The following SLC24A3 variants were observed in gnomAD, a reference collection of about 807,000 sequenced individuals.
SLC24A3 encodes sodium/potassium/calcium exchanger 3.
A neutral mutation model predicts 75.8 loss-of-function variants in SLC24A3; 28 were observed. The observed-to-expected ratio is 0.37, with a 90% confidence interval of 0.27 to 0.51. The LOEUF is 0.51. Ranked by LOEUF, SLC24A3 falls within the 20% of genes least tolerant of loss-of-function variation. The pLI, the probability that SLC24A3 is intolerant of heterozygous loss-of-function variation, is 0.94. For synonymous variants in SLC24A3, 372 were observed against 334.1 expected, an observed-to-expected ratio of 1.11 and a Z score of -1.24; for missense variants, 663 against 847.8, an observed-to-expected ratio of 0.78 and a Z score of 2.71.
At chr20:19,408,344 A>C (rs1419850775) in intron 2 of SLC24A3, among the ~76,000 whole-genome samples, 4 of 151,410 alleles carry the variant, frequency 2.6e-5, no homozygotes, top group Admixed American at 2.6e-4. Flanking sequence ...CCGTATAATA[A>C]TTTTCCCCTT....
intron 2 of SLC24A3, among the ~76,000 whole-genome samples, chr20:19,285,307 A>G (rs6045950): frequency 0.41 from 62,345 of 151,458 alleles, 13,563 homozygotes; most frequent in African/African-American, 0.55. Context: ...GTGAAACCCC[A>G]TCTCTATAAA....
At chr20:19,634,832 G>A (rs908495179) in intron 6 of SLC24A3, among the ~76,000 whole-genome samples, 5 of 152,064 alleles carry the variant, frequency 3.3e-5, no homozygotes, top group Non-Finnish European at 7.4e-5. Flanking sequence ...GGTTGCAGGG[G>A]TATACAACAT....
chr20:19,688,164 G>A (rs1600341266), intron 12 of SLC24A3, among the ~76,000 whole-genome samples: 1 of 152,300 alleles, frequency 6.6e-6, no homozygotes, highest in Non-Finnish European at 1.5e-5. Flanking sequence ...TGCACGTTCT[G>A]ATTCAGGAGG....
intron 1 of SLC24A3, among the ~76,000 whole-genome samples, chr20:19,270,642 G>A (rs1203223618): frequency 6.6e-6 from 1 of 152,136 alleles, no homozygotes; most frequent in Admixed American, 6.5e-5. Context: ...ATGTATTCTG[G>A]TCTTATTACC....
chr20:19,560,871 A>G (rs1301842435), intron 3 of SLC24A3, among the ~76,000 whole-genome samples: 2 of 152,154 alleles, frequency 1.3e-5, no homozygotes, highest in African/African-American at 4.8e-5. Context: ...CTTAAAATAT[A>G]TGTAAGTATA....
chr20:19,214,997 T>C (rs544907202), intron 1 of SLC24A3, among the ~76,000 whole-genome samples: 13 of 152,176 alleles, frequency 8.5e-5, no homozygotes, highest in Non-Finnish European at 1.2e-4. Context: ...TGCCCCCGAA[T>C]GACATATGAG....
chr20:19,417,511 A>G (rs1175520013), intron 2 of SLC24A3, among the ~76,000 whole-genome samples: 2 of 152,190 alleles, frequency 1.3e-5, no homozygotes, highest in Non-Finnish European at 2.9e-5. Flanking sequence ...CTTCTGCAGG[A>G]TGGGAAAGAT....
At chr20:19,256,256 A>G in intron 1 of SLC24A3, among the ~76,000 whole-genome samples, 1 of 152,198 alleles carries the variant, frequency 6.6e-6, no homozygotes, top group East Asian at 1.9e-4. Flanking sequence ...GTACAATTCC[A>G]TTCATATGAT....
At chr20:19,264,323 C>T (rs1454805277) in intron 1 of SLC24A3, among the ~76,000 whole-genome samples, 1 of 152,168 alleles carries the variant, frequency 6.6e-6, no homozygotes. Context: ...TGGTGCCAGC[C>T]TCAGGTGCCA....
intron 2 of SLC24A3, among the ~76,000 whole-genome samples, chr20:19,378,947 C>T (rs1436013694): frequency 1.3e-5 from 2 of 151,332 alleles, no homozygotes; most frequent in African/African-American, 2.4e-5. Flanking sequence ...AATTATAGAC[C>T]CCAAGAGTCC....
chr20:19,455,530 G>A (rs1987563222), intron 2 of SLC24A3, among the ~76,000 whole-genome samples: 1 of 152,170 alleles, frequency 6.6e-6, no homozygotes, highest in Non-Finnish European at 1.5e-5. Context: ...CATAAACATA[G>A]AGAGAGCCGA....
intron 2 of SLC24A3, among the ~76,000 whole-genome samples, chr20:19,336,849 A>G (rs529300989): frequency 2.0e-3 from 299 of 152,164 alleles, no homozygotes; most frequent in Admixed American, 7.8e-3. Context: ...TACTACTTAC[A>G]AAACTTCCTC....
At chr20:19,346,373 GTATATATATGGTATATATATGGTGTA>G (rs1170881678) in intron 2 of SLC24A3, among the ~76,000 whole-genome samples, 2 of 123,790 alleles carry the variant, frequency 1.6e-5, no homozygotes, top group East Asian at 5.9e-4. Context: ...TATATGTGGT[GTATATATATGGTATATATATGGTGTA>G]TATATATGGT....
At chr20:19,511,319 C>A (rs928019574) in intron 2 of SLC24A3, among the ~76,000 whole-genome samples, 1 of 149,064 alleles carries the variant, frequency 6.7e-6, no homozygotes, top group African/African-American at 2.5e-5. Flanking sequence ...GAGAAGAGGG[C>A]TTAGCTCAAT....
chr20:19,600,045 A>G (rs1386370035), intron 6 of SLC24A3, among the ~76,000 whole-genome samples: 1 of 152,194 alleles, frequency 6.6e-6, no homozygotes, highest in East Asian at 1.9e-4. Context: ...GTGAAGGTCC[A>G]GGAGCCAGGT....
intron 7 of SLC24A3, among the ~76,000 whole-genome samples, chr20:19,655,614 G>A (rs1037872196): frequency 6.6e-6 from 1 of 152,092 alleles, no homozygotes; most frequent in African/African-American, 2.4e-5. Flanking sequence ...CCCTCCCCAC[G>A]GTGAATGAGC....
At chr20:19,631,791 A>AGTGTGTGTGTGT (rs148278633) in intron 6 of SLC24A3, among the ~76,000 whole-genome samples, 11,367 of 147,790 alleles carry the variant, frequency 0.077, 539 homozygotes, top group Non-Finnish European at 0.11. Flanking sequence ...TATGAGTGAG[A>AGTGTGTGTGTGT]GTGTGTGTGT....
At chr20:19,656,377 C>A (rs1376241862) in intron 7 of SLC24A3, among the ~76,000 whole-genome samples, 6 of 88,978 alleles carry the variant, frequency 6.7e-5, no homozygotes, top group African/African-American at 1.6e-4. Context: ...CCCCACAGAG[C>A]AGAGAGGTTC....
At chr20:19,425,830 G>C (rs913892631) in intron 2 of SLC24A3, among the ~76,000 whole-genome samples, 1 of 152,020 alleles carries the variant, frequency 6.6e-6, no homozygotes, top group Admixed American at 6.6e-5. Flanking sequence ...TATGCATGTT[G>C]GTGCTCAAAT....
Sources: allele counts gnomAD v4.1 joint callset (sites outside exome capture counted in the v4.1 genomes callset), GRCh38; gene constraint gnomAD v4.1.1; transcripts MANE v1.5; gene names NCBI Gene and HGNC (gene_info 2026-07-23, HGNC 2026-07-21).